PDGFRB: variants seen among roughly 807,000 people sequenced by gnomAD.
PDGFRB encodes platelet derived growth factor receptor beta.
A neutral mutation model predicts 120.2 loss-of-function variants in PDGFRB; 42 were observed. The observed-to-expected ratio is 0.35, with a 90% confidence interval of 0.27 to 0.45. The LOEUF (loss-of-function observed/expected upper bound fraction) is 0.45. Among genes scored for constraint, PDGFRB ranks in the 20% least tolerant of loss-of-function variants. PDGFRB has a pLI of 1.00. For missense variants in PDGFRB, 1,149 were observed against 1,476.3 expected, an observed-to-expected ratio of 0.78 and a Z score of 3.63; for synonymous variants, 586 against 606.8, an observed-to-expected ratio of 0.97 and a Z score of 0.50.
At chr5:150,151,504 C>T (rs553899046) in intron 1 of PDGFRB, among the ~76,000 whole-genome samples, 24 of 152,306 alleles carry the variant, frequency 1.6e-4, no homozygotes, top group Admixed American at 1.2e-3. Context: ...ATCCCAGCTC[C>T]GCCACTTCCG....
chr5:150,132,763 C>T lies in PDGFRB; in HGVS notation c.1114G>A (p.Val372Met), dbSNP rs371975483. 239 of 1,612,822 alleles carry T rather than the reference C, an allele frequency of 1.5e-4. No individual in the cohort carries two copies. The highest frequency in any genetic ancestry group is 1.9e-4 in the Non-Finnish European group (229 of 1,179,648). ...AGEIALSTRN[V>M]SETRYVSELT... is the part of the protein sequence containing the mutation. Reference sequence around the variant, plus strand: ...CGAGCTGCTCACCGGGTCTCCGACACGTTGCGCGTGGACAGGGCGATTTCG... The same window carrying T: ...CGAGCTGCTCACCGGGTCTCCGACATGTTGCGCGTGGACAGGGCGATTTCG... The change falls in exon 7 of 23, where the codon GTG (valine) becomes ATG (methionine). Residue 372 changes from valine to methionine, a missense_variant. This residue lies in a region of PDGFRB where 879 missense variants were observed against 1,108.6 expected (regional missense o/e 0.79). Transcript: ENST00000261799. The surrounding 1 kb of genome is among the most constrained non-coding windows in gnomAD (Gnocchi z 5.0).
intron 2 of PDGFRB, 105 bp from the exon 3 acceptor site, chr5:150,135,983 G>A (rs1408998977): frequency 2.1e-5 from 15 of 697,940 alleles, no homozygotes; most frequent in Non-Finnish European, 3.2e-5. Flanking sequence ...AGGTCCTTGA[G>A]GAGCACAGCT....
Position 150,114,357 on chromosome 5 carries a change from AGACAT to A in PDGFRB, c.*1401_*1405del, listed in dbSNP as rs1759855050. ...CATCTGAAGCTTCTTGTCTTTTACA[AGACAT>A]AACTGTCCTCACTGTCCATTCTGTC... On this transcript the variant is annotated 3_prime_UTR_variant, in exon 23 of 23. Coordinates refer to ENST00000261799, the MANE Select transcript of PDGFRB (RefSeq NM_002609.4). 4.3e-6 allele frequency: 1 copy of A among 233,152 alleles called. No homozygotes were observed. The highest frequency in any genetic ancestry group is 2.2e-5 in the African/African-American group (1 of 45,340). 14.4% of individuals were successfully genotyped at this position (233,152 alleles called of 1,614,324 possible). A position where few individuals can be genotyped will look rare whatever the true frequency, so the allele number is the denominator to read the frequency against.
intron 13 of PDGFRB, 92 bp downstream of exon 13, chr5:150,124,635 C>T: frequency 3.0e-6 from 2 of 661,738 alleles, no homozygotes; most frequent in Non-Finnish European, 5.4e-6. Context: ...GCCTGCAAAT[C>T]AGCATCAGGC....
At chr5:150,149,747 G>A (rs540160137) in intron 1 of PDGFRB, among the ~76,000 whole-genome samples, 1 of 152,272 alleles carries the variant, frequency 6.6e-6, no homozygotes, top group South Asian at 2.1e-4. Flanking sequence ...TTAGAAAGCT[G>A]AGCCCTACCC....
At chr5:150,152,320 T>C (rs1761099865) in intron 1 of PDGFRB, among the ~76,000 whole-genome samples, 2 of 152,108 alleles carry the variant, frequency 1.3e-5, no homozygotes, top group Non-Finnish European at 2.9e-5. Context: ...TAAAGCACAA[T>C]TGAAGTAGAC....
At chr5:150,154,597 G>C (rs1475664361) in intron 1 of PDGFRB, among the ~76,000 whole-genome samples, 2 of 152,214 alleles carry the variant, frequency 1.3e-5, no homozygotes, top group Admixed American at 6.5e-5. Context: ...GGCGGATCCT[G>C]GGCAGGGAGG....
intron 20 of PDGFRB, 151 bp from the exon 21 acceptor site, chr5:150,119,003 G>A: frequency 1.6e-6 from 1 of 609,834 alleles, no homozygotes; most frequent in Non-Finnish European, 2.9e-6. Flanking sequence ...CAGAGGTCCT[G>A]TCTCTGGATA....
Position 150,115,602 on chromosome 5 carries a change from C to T in PDGFRB, c.*161G>A. 1.6e-6 allele frequency: 1 copy of T among 615,390 alleles called. No homozygotes were observed. Among genetic ancestry groups the T allele is most frequent in the African/African-American group, 1.9e-5 (1 of 52,292 alleles). 38.1% of individuals were successfully genotyped at this position (615,390 alleles called of 1,614,324 possible). On this transcript the variant is annotated 3_prime_UTR_variant, in exon 23 of 23. Coordinates refer to ENST00000261799, the MANE Select transcript of PDGFRB (RefSeq NM_002609.4). ...CAGTTTTCTTGCCTCCTAAGCCAGC[C>T]CCAGGGTTTGGGGCACAACACGTCA...
rs778954389 is a variant in PDGFRB, at chr5:150,124,244, C to A, written c.2023+6G>T. The A allele has an allele frequency of 1.2e-6, 2 of 1,603,482 alleles. No homozygotes were observed. The highest frequency in any genetic ancestry group is 1.7e-6 in the Non-Finnish European group (2 of 1,170,632). On this transcript the variant is annotated splice_donor_region_variant and intron_variant, in intron 14 of 22. Transcript: ENST00000261799. ...CCTGAGGCCTCTGGGGCAGTGGGCT[C>A]GGTACCTCCTTTGGTGCAGGCCCCC...
In PDGFRB at chr5:150,121,346, C is replaced by T. The variant is rs1760128104; in HGVS notation, c.2345-24G>A. ...GGCTAGAGGAGAAGCAGAGGGTCACCTGCTATCTTATATCTCCTTCTGGCC... is the reference window on the plus strand; with the variant it reads ...GGCTAGAGGAGAAGCAGAGGGTCACTTGCTATCTTATATCTCCTTCTGGCC... On this transcript the variant is annotated intron_variant, in intron 16 of 22. Coordinates refer to ENST00000261799, the MANE Select transcript of PDGFRB (RefSeq NM_002609.4). The surrounding 1 kb of genome is among the most constrained non-coding windows in gnomAD (Gnocchi z 4.1). 1 of 1,047,470 alleles carries T rather than the reference C, an allele frequency of 9.5e-7. No homozygotes were observed. The highest frequency in any genetic ancestry group is 1.5e-6 in the Non-Finnish European group (1 of 662,150). 64.9% of individuals were successfully genotyped at this position (1,047,470 alleles called of 1,614,324 possible).
chr5:150,126,830 C>T (rs952600138), intron 10 of PDGFRB, among the ~76,000 whole-genome samples: 2 of 152,262 alleles, frequency 1.3e-5, no homozygotes, highest in Non-Finnish European at 2.9e-5. Flanking sequence ...ACTACCCCCA[C>T]TCAGATCACT....
rs1220266141 is a variant in PDGFRB, at chr5:150,114,651, T to A, written c.*1112A>T. On this transcript the variant is annotated 3_prime_UTR_variant, in exon 23 of 23. Transcript: ENST00000261799. ...GGGCATGGTTCCTGAGTCCCCAGAG[T>A]GTGATGTGTGATCTGGAATCTCCCA... 1 of 233,216 alleles carries A rather than the reference T, an allele frequency of 4.3e-6. No homozygotes were observed. Among genetic ancestry groups the A allele is most frequent in the Non-Finnish European group, 8.5e-6 (1 of 118,004 alleles). The allele number at this position is 233,216 out of a possible 1,614,324, so 14.4% of individuals were successfully genotyped here.
chr5:150,135,258 G>C (rs1760588758), intron 3 of PDGFRB, among the ~76,000 whole-genome samples: 1 of 152,208 alleles, frequency 6.6e-6, no homozygotes, highest in African/African-American at 2.4e-5. Context: ...CTGATATCTG[G>C]AGCTTGGAGA....
At chr5:150,139,697 C>A (rs35060856) in intron 1 of PDGFRB, among the ~76,000 whole-genome samples, 54,797 of 151,696 alleles carry the variant, frequency 0.36, 10,340 homozygotes, top group Middle Eastern at 0.5. Flanking sequence ...AGAGTTAGAC[C>A]AAGGCTGGGC....
rs76051996 is a variant in PDGFRB, at chr5:150,141,568, C to T, written c.-6-4515G>A. Among the ~76,000 whole-genome samples the T allele has an allele frequency of 2.2e-3, 329 of 152,262 alleles. 3 individuals carry two copies. The East Asian group carries it at 0.054, about 25-fold the overall frequency. On this transcript the variant is annotated intron_variant, in intron 1 of 22. Transcript: ENST00000261799. ...CTGTGTTCTATGCCACCAGCTCCAC[C>T]GCTTCTCTGACCAACGTGCATGTTT...
At chr5:150,138,780 T>C (rs943473408) in intron 1 of PDGFRB, among the ~76,000 whole-genome samples, 3 of 152,136 alleles carry the variant, frequency 2.0e-5, no homozygotes, top group Non-Finnish European at 4.4e-5. Context: ...CATCTGCCCC[T>C]CCGTCGGTGC....
At chr5:150,141,936 C>G (rs1042725088) in intron 1 of PDGFRB, among the ~76,000 whole-genome samples, 3 of 151,730 alleles carry the variant, frequency 2.0e-5, no homozygotes, top group African/African-American at 4.8e-5. Context: ...CGGGTAGAAA[C>G]AGCAGTGAGA....
rs754032469 is a variant in PDGFRB at position 150,129,734 on chromosome 5, G to A, written c.1579+23C>T. ...TAAGGTAGGGATTGGGATCGTCAGG[G>A]GCCACTGAGGCTGGGGACTCACAGT... On this transcript the variant is annotated intron_variant, in intron 10 of 22. Transcript: ENST00000261799. The A allele has an allele frequency of 5.7e-6, 9 of 1,585,670 alleles. No homozygotes were observed. The African/African-American group carries it at 1.2e-4, about 21-fold the overall frequency.
Sources: gnomAD v4.1 joint callset for allele counts (sites outside exome capture counted in the v4.1 genomes callset) on GRCh38, gnomAD v4.1.1 for gene constraint, gnomAD v4.1.1 regional missense constraint, Gnocchi (gnomAD v3.1) non-coding constraint, MANE v1.5 for transcripts, NCBI Gene and HGNC (gene_info 2026-07-23, HGNC 2026-07-21) for gene names.